Variants in CDKL4 observed in about 807,000 individuals in gnomAD.
The protein encoded by CDKL4 is cyclin-dependent kinase-like 4.
In CDKL4, 44 loss-of-function variants were observed where a neutral mutation model predicts 42.0. That is an observed-to-expected ratio of 1.05 (90% CI 0.82 to 1.35). CDKL4 has a LOEUF of 1.35. CDKL4 is among the 40% of genes most tolerant of loss of function. The pLI is 0.00. For missense variants in CDKL4, 393 were observed against 369.9 expected (o/e 1.06, Z -0.51); for synonymous variants, 120 against 121.6 (o/e 0.99, Z 0.09).
chr2:39,212,905 G>A (rs531570010), intron 4 of CDKL4, among the ~76,000 whole-genome samples: 47 of 151,920 alleles, frequency 3.1e-4, no homozygotes, highest in Non-Finnish European at 6.3e-4. Context: ...AAAGCCATCT[G>A]CCCGCATTGG....
intron 3 of CDKL4, among the ~76,000 whole-genome samples, chr2:39,218,285 G>T (rs978238715): frequency 6.6e-6 from 1 of 152,042 alleles, no homozygotes; most frequent in Admixed American, 6.5e-5. Flanking sequence ...AGGATTGCTT[G>T]AGCACAGGAG....
chr2:39,229,946 T>C (rs72921042), intron 1 of CDKL4, among the ~76,000 whole-genome samples: 3,865 of 152,368 alleles, frequency 0.025, 147 homozygotes, highest in African/African-American at 0.089. Context: ...TGGAATATGC[T>C]GTTTATCTTT....
intron 8 of CDKL4, among the ~76,000 whole-genome samples, chr2:39,182,458 G>A (rs1675493050): frequency 1.3e-5 from 2 of 152,350 alleles, no homozygotes; most frequent in East Asian, 1.9e-4. Flanking sequence ...TAATTCTGAA[G>A]CATTGAGATG....
chr2:39,187,063 T>G (rs1359379280), intron 7 of CDKL4, among the ~76,000 whole-genome samples: 2 of 152,054 alleles, frequency 1.3e-5, no homozygotes, highest in Non-Finnish European at 2.9e-5. Flanking sequence ...GGGAGGTGAT[T>G]GGATCATGAC....
upstream of CDKL4, among the ~76,000 whole-genome samples, chr2:39,245,085 GC>G (rs1679854678): frequency 6.6e-6 from 1 of 152,192 alleles, no homozygotes; most frequent in Non-Finnish European, 1.5e-5. Flanking sequence ...GAGAATAAAA[GC>G]CGGCTGCACG....
intron 1 of CDKL4, among the ~76,000 whole-genome samples, chr2:39,242,518 A>AT (rs1679711876): frequency 6.6e-6 from 1 of 152,246 alleles, no homozygotes; most frequent in African/African-American, 2.4e-5. Context: ...AAAGAGGTAG[A>AT]TAGATACTTG....
exon 10 of CDKL4, chr2:39,176,031 G>T (rs1675150894): frequency 2.1e-6 from 1 of 470,856 alleles, no homozygotes; most frequent in Non-Finnish European, 4.4e-6. Flanking sequence ...TTAACTGGAG[G>T]ACTTGTTTTC....
chr2:39,215,158 TTTTGCCAATGTTATG>T (rs1329605017), intron 3 of CDKL4, among the ~76,000 whole-genome samples: 1 of 152,216 alleles, frequency 6.6e-6, no homozygotes, highest in African/African-American at 2.4e-5. Flanking sequence ...CAACATTTGG[TTTTGCCAATGTTATG>T]TTTGCCAATC....
chr2:39,208,972 C>A (rs1015320312), intron 4 of CDKL4, among the ~76,000 whole-genome samples: 4 of 151,780 alleles, frequency 2.6e-5, no homozygotes, highest in Admixed American at 1.3e-4. Flanking sequence ...AAGATGCTGA[C>A]GGAGGTTGCA....
chr2:39,192,151 A>G (rs939185889), intron 5 of CDKL4, among the ~76,000 whole-genome samples: 3 of 152,224 alleles, frequency 2.0e-5, no homozygotes, highest in South Asian at 2.1e-4. Flanking sequence ...AACCACTAAC[A>G]ATTTTCACTA....
chr2:39,187,762 G>A (rs1258662115), intron 6 of CDKL4, 53 bp from the exon 7 acceptor site: 3 of 1,264,450 alleles, frequency 2.4e-6, no homozygotes, highest in Admixed American at 1.8e-5. Flanking sequence ...GAATAATCAA[G>A]TGTTTAAATG....
In CDKL4 at chr2:39,210,855, T is replaced by C. The variant is rs182185328; in HGVS notation, c.363+2545A>G. ...ATAGGTTTATGTATTTTGTGAAAAA[T>C]ATCCCTCTACATTAATAGAAAATAA... On this transcript the variant is annotated intron_variant, in intron 4 of 9. Coordinates refer to ENST00000451199, the Ensembl canonical transcript of CDKL4. 1.6e-3 allele frequency among the ~76,000 whole-genome samples: 242 copies of C among 152,306 alleles called. 1 individual carries two copies. Among genetic ancestry groups the C allele is most frequent in the Middle Eastern group, 0.014 (4 of 294 alleles).
At chr2:39,226,374 C>T (rs1161567450) in intron 2 of CDKL4, among the ~76,000 whole-genome samples, 2 of 147,322 alleles carry the variant, frequency 1.4e-5, no homozygotes, top group Non-Finnish European at 3.0e-5. Context: ...AATAAACTGT[C>T]TATTCTAGAA....
intron 5 of CDKL4, among the ~76,000 whole-genome samples, chr2:39,191,939 C>T (rs185695815): frequency 0.011 from 1,659 of 152,270 alleles, 15 homozygotes; most frequent in Non-Finnish European, 0.018. Flanking sequence ...GTCAGGTAGC[C>T]CCAAAGACAC....
intron 2 of CDKL4, 50 bp downstream of exon 2, chr2:39,229,315 A>C: frequency 7.7e-7 from 1 of 1,304,714 alleles, no homozygotes; most frequent in Non-Finnish European, 1.1e-6. Flanking sequence ...TTTAACATGC[A>C]TATTTCACTC....
intron 1 of CDKL4, among the ~76,000 whole-genome samples, chr2:39,236,317 A>C (rs779293418): frequency 6.6e-6 from 1 of 152,182 alleles, no homozygotes; most frequent in Admixed American, 6.5e-5. Context: ...TGGAGGCAAA[A>C]TCAATACTAC....
At chr2:39,171,131 C>A (rs995292079), downstream of CDKL4, among the ~76,000 whole-genome samples, 2 of 151,240 alleles carry the variant, frequency 1.3e-5, no homozygotes, top group Admixed American at 1.3e-4. Flanking sequence ...CCCAGCTATT[C>A]GGGAGGCTGA....
At chr2:39,215,962 T>C (rs542442512) in intron 3 of CDKL4, among the ~76,000 whole-genome samples, 94 of 152,278 alleles carry the variant, frequency 6.2e-4, no homozygotes, top group Non-Finnish European at 1.0e-3. Flanking sequence ...TTCTCCCCAC[T>C]TCACCTAGAG....
chr2:39,239,184 C>T (rs1209399958), intron 1 of CDKL4, among the ~76,000 whole-genome samples: 1 of 151,884 alleles, frequency 6.6e-6, no homozygotes, highest in Non-Finnish European at 1.5e-5. Flanking sequence ...AGACACCTCA[C>T]ACAATATAGC....
Sources: gnomAD v4.1 joint callset for allele counts (sites outside exome capture counted in the v4.1 genomes callset) on GRCh38, gnomAD v4.1.1 for gene constraint, MANE v1.5 for transcripts, NCBI Gene and HGNC (gene_info 2026-07-23, HGNC 2026-07-21) for gene names.